NRXN3: variants seen among roughly 807,000 people sequenced by gnomAD.
The protein encoded by NRXN3 is neurexin 3, also known as neurexin III.
NRXN3 carries 32 observed loss-of-function variants against 137.6 expected under a neutral mutation model. The observed-to-expected ratio is 0.23, with a 90% CI of 0.18 to 0.31. NRXN3 has a LOEUF of 0.31. NRXN3 is among the 10% of genes least tolerant of loss of function. The pLI is 1.00. For missense variants in NRXN3, 1,574 were observed against 2,062.5 expected, an observed-to-expected ratio of 0.76 and a Z score of 4.59; for synonymous variants, 798 against 784.5, an observed-to-expected ratio of 1.02 and a Z score of -0.29.
intron 15 of NRXN3, among the ~76,000 whole-genome samples, chr14:79,049,998 C>A (rs1281828050): frequency 6.6e-6 from 1 of 152,184 alleles, no homozygotes; most frequent in Non-Finnish European, 1.5e-5. Flanking sequence ...TCACCATTAT[C>A]TAGAAAACTG....
chr14:79,414,838 A>G (rs764500341), intron 15 of NRXN3, among the ~76,000 whole-genome samples: 24 of 152,076 alleles, frequency 1.6e-4, no homozygotes, highest in African/African-American at 5.6e-4. Flanking sequence ...CTAAGTTTGT[A>G]CTATTTGACC....
chr14:79,132,750 C>T (rs1389864376), intron 15 of NRXN3, among the ~76,000 whole-genome samples: 1 of 152,208 alleles, frequency 6.6e-6, no homozygotes. Context: ...GGAACAGACT[C>T]TGAGATTGAG....
chr14:78,545,685 A>G (rs1190984750), intron 4 of NRXN3, among the ~76,000 whole-genome samples: 2 of 152,236 alleles, frequency 1.3e-5, no homozygotes, highest in African/African-American at 2.4e-5. Context: ...TTAAATAATA[A>G]TGAAGCAAAC....
chr14:79,521,481 G>A (rs1206216725), intron 16 of NRXN3, among the ~76,000 whole-genome samples: 1 of 151,890 alleles, frequency 6.6e-6, no homozygotes, highest in Non-Finnish European at 1.5e-5. Context: ...TTTGCTTTTT[G>A]ACCTATCATT....
At position 79,490,127 on chromosome 14, in the gene NRXN3, G is replaced by C. The variant is rs551939319; in HGVS notation, c.3444+22725G>C. Among the ~76,000 whole-genome samples the C allele has an allele frequency of 4.7e-5, 7 of 150,096 alleles. No individual in the cohort carries two copies. In the South Asian group the frequency reaches 1.5e-3, roughly 32 times the overall value. On this transcript the variant is annotated intron_variant, in intron 16 of 20. Transcript: ENST00000335750. ...CAAACTCAATTCAAATATTCTATGA[G>C]AATAAAAACAGGCTTATACCCAAAG...
At chr14:79,067,461 T>C (rs1595576756) in intron 15 of NRXN3, among the ~76,000 whole-genome samples, 1 of 152,060 alleles carries the variant, frequency 6.6e-6, no homozygotes, top group African/African-American at 2.4e-5. Flanking sequence ...TTTTGGTATC[T>C]GGATGATGCT....
chr14:79,030,767 C>A (rs1421675855), intron 15 of NRXN3, among the ~76,000 whole-genome samples: 1 of 149,864 alleles, frequency 6.7e-6, no homozygotes, highest in Non-Finnish European at 1.5e-5. Flanking sequence ...TCTTTCTCTG[C>A]TATTATCAAT....
At chr14:78,518,392 T>A (rs1042068264) in intron 4 of NRXN3, among the ~76,000 whole-genome samples, 3 of 152,120 alleles carry the variant, frequency 2.0e-5, no homozygotes, top group Non-Finnish European at 4.4e-5. Context: ...TAGGTGGGGA[T>A]CTAATCCAGT....
chr14:78,718,962 T>C (rs1484451647), intron 8 of NRXN3, among the ~76,000 whole-genome samples: 1 of 152,238 alleles, frequency 6.6e-6, no homozygotes, highest in Non-Finnish European at 1.5e-5. Context: ...GTCTTTAGCC[T>C]GCTCTGGAGT....
At chr14:79,036,593 G>GTTTTT (rs57154485) in intron 15 of NRXN3, among the ~76,000 whole-genome samples, 1 of 101,660 alleles carries the variant, frequency 9.8e-6, no homozygotes, top group East Asian at 2.8e-4. Context: ...TTCGTTTTGG[G>GTTTTT]TTTTTTTTTT....
At chr14:79,457,059 A>AT (rs999867379) in intron 15 of NRXN3, among the ~76,000 whole-genome samples, 1 of 152,052 alleles carries the variant, frequency 6.6e-6, no homozygotes, top group African/African-American at 2.4e-5. Context: ...AAAAAAAAAA[A>AT]AAAAAGTTCA....
chr14:79,268,379 G>A (rs2078761598), intron 15 of NRXN3, among the ~76,000 whole-genome samples: 2 of 152,140 alleles, frequency 1.3e-5, no homozygotes, highest in Non-Finnish European at 2.9e-5. Context: ...CATGTTTCAA[G>A]CATATTAGTT....
chr14:78,844,089 C>T (rs954576266), intron 10 of NRXN3, among the ~76,000 whole-genome samples: 8 of 152,100 alleles, frequency 5.3e-5, no homozygotes, highest in East Asian at 1.9e-4. Context: ...GAGGCTCTCA[C>T]GGTGACTCCA....
At chr14:78,797,167 C>A (rs983405780) in intron 8 of NRXN3, among the ~76,000 whole-genome samples, 2 of 152,058 alleles carry the variant, frequency 1.3e-5, no homozygotes, top group East Asian at 3.9e-4. Flanking sequence ...AGACGAGAGC[C>A]GTCTGCCGAA....
chr14:79,001,476 G>A (rs1454090195), intron 15 of NRXN3, among the ~76,000 whole-genome samples: 2 of 152,182 alleles, frequency 1.3e-5, no homozygotes, highest in East Asian at 3.9e-4. Flanking sequence ...TTCTAATAAG[G>A]TCAGGTTTCT....
chr14:78,805,023 T>A (rs1246075896), intron 9 of NRXN3, among the ~76,000 whole-genome samples: 2 of 152,118 alleles, frequency 1.3e-5, no homozygotes, highest in East Asian at 3.9e-4. Context: ...CATGTCCTGG[T>A]GGGAAGGTGG....
chr14:79,082,839 C>T (rs536422976), intron 15 of NRXN3, among the ~76,000 whole-genome samples: 1 of 152,274 alleles, frequency 6.6e-6, no homozygotes, highest in South Asian at 2.1e-4. Flanking sequence ...GGAATTCAAA[C>T]TCAGATAATT....
In NRXN3 at chr14:78,715,021, G is replaced by A; in HGVS notation, c.1926G>A (p.Met642Ile). The change falls in exon 8 of 21, where the codon ATG becomes ATA. Residue 642 changes from methionine to isoleucine, a missense_variant. Around this residue, in one of 5 missense-constraint regions of NRXN3, gnomAD observed 718 missense variants for 887.6 expected, o/e 0.81. Coordinates refer to ENST00000335750, the MANE Select transcript of NRXN3 (RefSeq NM_001330195.2). ...AAGVKSSCSR[M>I]SAKQCDSYPC... ...GTGTCAAGTCCTCCTGTTCACGGAT[G>A]AGTGCCAAGCAGTGTGACAGCTACC... 1 of 1,614,092 alleles carries A rather than the reference G, an allele frequency of 6.2e-7. No homozygotes were observed. Among genetic ancestry groups the A allele is most frequent in the Non-Finnish European group, 8.5e-7 (1 of 1,180,038 alleles).
chr14:78,566,583 C>T (rs1227935628), intron 4 of NRXN3, among the ~76,000 whole-genome samples: 1 of 152,264 alleles, frequency 6.6e-6, no homozygotes, highest in East Asian at 1.9e-4. Flanking sequence ...GGCCACAGAG[C>T]CAGACCCTAC....
Sources: allele counts gnomAD v4.1 joint callset (sites outside exome capture counted in the v4.1 genomes callset), GRCh38; gene constraint gnomAD v4.1.1; regional missense constraint gnomAD v4.1.1; transcripts MANE v1.5; gene names NCBI Gene and HGNC (gene_info 2026-07-23, HGNC 2026-07-21).